MEOX2: variants seen among roughly 807,000 people sequenced by gnomAD.
MEOX2 encodes the protein mesenchyme homeobox 2.
A neutral mutation model predicts 27.0 loss-of-function variants in MEOX2; 11 were observed. That is an observed-to-expected ratio of 0.41 (90% CI 0.26 to 0.68). The LOEUF is 0.68. Ranked by LOEUF, MEOX2 falls within the 30% of genes least tolerant of loss-of-function variation. The probability of loss-of-function intolerance (pLI) is 0.33; values close to 1 mark genes in which losing one functional copy is unlikely to be tolerated. For synonymous variants in MEOX2, 189 were observed against 155.4 expected (o/e 1.22, Z -1.61); for missense variants, 436 against 385.4 (o/e 1.13, Z -1.10).
At chr7:15,615,844 T>G (rs1391400618) in intron 2 of MEOX2, among the ~76,000 whole-genome samples, 1 of 152,030 alleles carries the variant, frequency 6.6e-6, no homozygotes, top group Non-Finnish European at 1.5e-5. Context: ...TAAATAATCC[T>G]GGCAGAAAAA....
chr7:15,660,027 GA>G (rs1251383576), intron 1 of MEOX2, among the ~76,000 whole-genome samples: 1 of 152,112 alleles, frequency 6.6e-6, no homozygotes, highest in East Asian at 1.9e-4. Context: ...CATGTGCAAT[GA>G]TCTATAATAT....
intron 1 of MEOX2, among the ~76,000 whole-genome samples, chr7:15,669,741 T>A (rs1391860512): frequency 6.6e-6 from 1 of 152,220 alleles, no homozygotes; most frequent in African/African-American, 2.4e-5. Flanking sequence ...AATACTTTAT[T>A]CTCCTTCTAA....
At chr7:15,672,535 C>T (rs1342595186) in intron 1 of MEOX2, among the ~76,000 whole-genome samples, 1 of 151,990 alleles carries the variant, frequency 6.6e-6, no homozygotes, top group Non-Finnish European at 1.5e-5. Context: ...TATTTTTGTC[C>T]TGATTAATCC....
Position 15,612,311 on chromosome 7 carries a change from T to C in MEOX2, c.*76A>G, listed in dbSNP as rs1781044958. On this transcript the variant is annotated 3_prime_UTR_variant, in exon 3 of 3. Transcript: ENST00000262041. Reference sequence around the variant, plus strand: ...AACATCACTGCCATAGTCATCTCTCTGTGTAAACGATATTTGGGTAAGGCT... The same window carrying C: ...AACATCACTGCCATAGTCATCTCTCCGTGTAAACGATATTTGGGTAAGGCT... 2 of 1,126,098 alleles carry C rather than the reference T, an allele frequency of 1.8e-6. No individual in the cohort carries two copies. The highest frequency in any genetic ancestry group is 3.5e-5 in the Admixed American group (2 of 57,806). The allele number at this position is 1,126,098 out of a possible 1,614,324, so 69.8% of individuals were successfully genotyped here.
intron 1 of MEOX2, among the ~76,000 whole-genome samples, chr7:15,678,584 G>C (rs1782240464): frequency 6.6e-6 from 1 of 152,052 alleles, no homozygotes; most frequent in Non-Finnish European, 1.5e-5. Flanking sequence ...CTAGTTTTTT[G>C]GGTGGCTAAG....
At chr7:15,647,857 G>T (rs74822603) in intron 1 of MEOX2, among the ~76,000 whole-genome samples, 1 of 152,024 alleles carries the variant, frequency 6.6e-6, no homozygotes, top group African/African-American at 2.4e-5. Context: ...GGAGGCATTA[G>T]CTCATCTTCT....
rs1176243165 is a variant in MEOX2 at position 15,666,691 on chromosome 7, G to T, written c.517+19195C>A. On this transcript the variant is annotated intron_variant, in intron 1 of 2. Transcript: ENST00000262041. ...TGCTTGAACCTGGGAGGCGGAGGTT[G>T]CAGTGAGCCGAGATCGTGCCACTGC... Among the ~76,000 whole-genome samples, 4 of 141,194 alleles carry T rather than the reference G, an allele frequency of 2.8e-5. No individual in the cohort carries two copies. The East Asian group carries it at 8.3e-4, about 29-fold the overall frequency. The allele number at this position is 141,194 out of a possible 152,430, so 92.6% of individuals were successfully genotyped here.
intron 1 of MEOX2, among the ~76,000 whole-genome samples, chr7:15,665,793 T>C (rs1001937618): frequency 6.6e-6 from 1 of 152,338 alleles, no homozygotes; most frequent in East Asian, 1.9e-4. Flanking sequence ...TTACCCTTAT[T>C]GCTGAAAGCG....
intron 1 of MEOX2, among the ~76,000 whole-genome samples, chr7:15,668,910 C>G (rs1782053361): frequency 6.6e-6 from 1 of 152,166 alleles, no homozygotes; most frequent in Non-Finnish European, 1.5e-5. Context: ...ATTAGTGTCT[C>G]TAATAGGGAT....
chr7:15,614,064 A>G (rs2115351838), intron 2 of MEOX2, among the ~76,000 whole-genome samples: 1 of 150,104 alleles, frequency 6.7e-6, no homozygotes, highest in Admixed American at 6.7e-5. Context: ...TGTTTCTTTT[A>G]TGACTAGTGT....
At chr7:15,615,069 A>G (rs1781101570) in intron 2 of MEOX2, among the ~76,000 whole-genome samples, 1 of 152,196 alleles carries the variant, frequency 6.6e-6, no homozygotes, top group Non-Finnish European at 1.5e-5. Flanking sequence ...AGATTCACTA[A>G]AAAGTAGTTG....
intron 1 of MEOX2, among the ~76,000 whole-genome samples, chr7:15,669,400 A>G (rs1053187171): frequency 3.3e-5 from 5 of 152,230 alleles, no homozygotes; most frequent in African/African-American, 1.2e-4. Context: ...CTACATTTTC[A>G]TACTTTAACG....
intron 2 of MEOX2, among the ~76,000 whole-genome samples, chr7:15,618,199 G>GC (rs1781153123): frequency 6.6e-6 from 1 of 151,872 alleles, no homozygotes; most frequent in Non-Finnish European, 1.5e-5. Flanking sequence ...CATATTTACA[G>GC]TAAAAATTCA....
chr7:15,645,274 T>C (rs1781623132), intron 1 of MEOX2, among the ~76,000 whole-genome samples: 1 of 152,190 alleles, frequency 6.6e-6, no homozygotes, highest in Non-Finnish European at 1.5e-5. Flanking sequence ...AGGAAGGAAA[T>C]TGCTAGGAGT....
At chr7:15,677,695 T>G (rs942229512) in intron 1 of MEOX2, 3 of 152,204 alleles carry the variant, frequency 2.0e-5, no homozygotes, top group Admixed American at 2.0e-4. Context: ...TGCTAATATA[T>G]TCCAACTGTG....
chr7:15,641,852 T>C (rs140843807), intron 1 of MEOX2, among the ~76,000 whole-genome samples: 1 of 152,242 alleles, frequency 6.6e-6, no homozygotes, highest in African/African-American at 2.4e-5. Flanking sequence ...AAAAAAATAT[T>C]TTATTTCTCC....
At chr7:15,622,765 C>A (rs771320485) in intron 2 of MEOX2, among the ~76,000 whole-genome samples, 8 of 152,076 alleles carry the variant, frequency 5.3e-5, no homozygotes, top group Non-Finnish European at 1.0e-4. Flanking sequence ...ATATTTATGT[C>A]TCCTCCAAAT....
chr7:15,657,375 T>A (rs1781839771), intron 1 of MEOX2, among the ~76,000 whole-genome samples: 2 of 152,124 alleles, frequency 1.3e-5, no homozygotes, highest in Admixed American at 1.3e-4. Context: ...TGGTAAAAAT[T>A]TTTTTTCAAT....
At chr7:15,685,372 CT>C (rs936066123) in intron 1 of MEOX2, among the ~76,000 whole-genome samples, 16 of 151,574 alleles carry the variant, frequency 1.1e-4, no homozygotes, top group African/African-American at 3.9e-4. Flanking sequence ...AAAACTGAAA[CT>C]TTTTTTTCTC....
Sources: allele counts gnomAD v4.1 joint callset (sites outside exome capture counted in the v4.1 genomes callset), GRCh38; gene constraint gnomAD v4.1.1; transcripts MANE v1.5; gene names NCBI Gene and HGNC (gene_info 2026-07-23, HGNC 2026-07-21).